The following SYK variants were observed in gnomAD, a reference collection of about 807,000 sequenced individuals.
SYK encodes spleen associated tyrosine kinase, also known as tyrosine-protein kinase SYK.
SYK carries 16 observed loss-of-function variants against 77.8 expected under a neutral mutation model. The observed-to-expected ratio is 0.21, with a 90% CI of 0.14 to 0.31. The LOEUF (loss-of-function observed/expected upper bound fraction) is 0.31, where lower values mean the gene tolerates loss of function less well. Ranked by LOEUF, SYK falls within the 10% of genes least tolerant of loss-of-function variation. SYK has a pLI of 1.00. For missense variants in SYK, 529 were observed against 814.4 expected (o/e 0.65, Z 4.26); for synonymous variants, 312 against 308.7 (o/e 1.01, Z -0.11).
chr9:90,816,329 G>A (rs369237874), intron 1 of SYK, among the ~76,000 whole-genome samples: 46 of 152,210 alleles, frequency 3.0e-4, no homozygotes, highest in East Asian at 1.7e-3. Flanking sequence ...TCTGATTTTC[G>A]ACAGAGACAT....
intron 9 of SYK, among the ~76,000 whole-genome samples, chr9:90,875,709 A>G (rs1195376795): frequency 1.3e-5 from 2 of 152,230 alleles, no homozygotes; most frequent in Admixed American, 1.3e-4. Flanking sequence ...ATAACAATAC[A>G]TATTATACAA....
At chr9:90,817,874 T>A (rs989174907) in intron 1 of SYK, among the ~76,000 whole-genome samples, 11 of 32,754 alleles carry the variant, frequency 3.4e-4, no homozygotes, top group Non-Finnish European at 6.9e-4. Flanking sequence ...TGTGTGTGTG[T>A]GTGTGTGTGA....
At chr9:90,866,174 C>T (rs1195572513) in intron 6 of SYK, among the ~76,000 whole-genome samples, 1 of 152,234 alleles carries the variant, frequency 6.6e-6, no homozygotes, top group Non-Finnish European at 1.5e-5. Context: ...GCTGGGATTA[C>T]AGGCGTGAGC....
intron 13 of SYK, among the ~76,000 whole-genome samples, chr9:90,891,257 T>C (rs967275997): frequency 4.7e-5 from 7 of 149,674 alleles, no homozygotes; most frequent in Non-Finnish European, 8.9e-5. Context: ...ACCATACTCC[T>C]GCCTCAGCCT....
intron 1 of SYK, among the ~76,000 whole-genome samples, chr9:90,839,668 A>T (rs1826220718): frequency 6.6e-6 from 1 of 152,180 alleles, no homozygotes; most frequent in African/African-American, 2.4e-5. Flanking sequence ...TTTATTTAAA[A>T]TTTTGTTCCT....
At chr9:90,884,750 T>C (rs1223271044) in intron 11 of SYK, among the ~76,000 whole-genome samples, 1 of 37,752 alleles carries the variant, frequency 2.6e-5, no homozygotes, top group Non-Finnish European at 4.1e-5. Flanking sequence ...TATACACATA[T>C]ACACATATGT....
At chr9:90,866,840 A>G (rs531993752) in intron 6 of SYK, among the ~76,000 whole-genome samples, 1 of 152,346 alleles carries the variant, frequency 6.6e-6, no homozygotes, top group South Asian at 2.1e-4. Flanking sequence ...TGAGCTTACA[A>G]CTTAATAATT....
chr9:90,855,700 G>A (rs1458976503), intron 3 of SYK, among the ~76,000 whole-genome samples: 1 of 148,152 alleles, frequency 6.7e-6, no homozygotes, highest in Admixed American at 6.7e-5. Flanking sequence ...GTGTGTGTGA[G>A]AGAGAGAGAG....
At chr9:90,863,718 T>G (rs1202389820) in intron 4 of SYK, among the ~76,000 whole-genome samples, 1 of 152,234 alleles carries the variant, frequency 6.6e-6, no homozygotes. Flanking sequence ...GTAGGGAATG[T>G]GGCCTTCTGG....
chr9:90,862,064 C>T, intron 3 of SYK, 142 bp from the exon 4 acceptor site: 2 of 1,125,652 alleles, frequency 1.8e-6, no homozygotes, highest in Non-Finnish European at 1.2e-6. Context: ...CCTGAGGCTC[C>T]AAACTCTGCC....
chr9:90,879,673 G>T (rs922076486), intron 11 of SYK, among the ~76,000 whole-genome samples: 7 of 152,224 alleles, frequency 4.6e-5, no homozygotes, highest in African/African-American at 7.2e-5. Context: ...AATAGATGCA[G>T]TGCTGGAAAG....
At chr9:90,812,762 TGTGTGTGTGTGTGTGTGA>T (rs1825133131) in intron 1 of SYK, among the ~76,000 whole-genome samples, 1 of 89,048 alleles carries the variant, frequency 1.1e-5, no homozygotes, top group South Asian at 4.7e-4. Context: ...TGTGTGTGTG[TGTGTGTGTGTGTGTGTGA>T]GAGAGAGAGA....
At chr9:90,879,449 A>G (rs1360732994) in intron 11 of SYK, among the ~76,000 whole-genome samples, 2 of 152,216 alleles carry the variant, frequency 1.3e-5, no homozygotes, top group Non-Finnish European at 2.9e-5. Context: ...GCATGGAGCT[A>G]TTGGAGCTTG....
At chr9:90,807,748 C>G (rs1824895242) in intron 1 of SYK, among the ~76,000 whole-genome samples, 1 of 152,206 alleles carries the variant, frequency 6.6e-6, no homozygotes, top group African/African-American at 2.4e-5. Context: ...TACACGAGTA[C>G]ATATCCTTTA....
intron 1 of SYK, among the ~76,000 whole-genome samples, chr9:90,816,930 C>T (rs1216786773): frequency 1.3e-5 from 2 of 152,184 alleles, no homozygotes; most frequent in African/African-American, 2.4e-5. Flanking sequence ...TTTCCTTAGC[C>T]GTTTATTCCT....
At chr9:90,822,377 A>G (rs1348436498) in intron 1 of SYK, among the ~76,000 whole-genome samples, 4 of 152,242 alleles carry the variant, frequency 2.6e-5, no homozygotes, top group African/African-American at 9.6e-5. Flanking sequence ...AAAGTCCAGA[A>G]GTAGACAGAT....
intron 1 of SYK, among the ~76,000 whole-genome samples, chr9:90,826,512 G>T (rs1825672163): frequency 6.6e-6 from 1 of 152,214 alleles, no homozygotes; most frequent in Admixed American, 6.5e-5. Context: ...ACAAGTTTGG[G>T]GTGCAGGTGC....
At chr9:90,889,380 G>T (rs985476281) in intron 13 of SYK, among the ~76,000 whole-genome samples, 1 of 152,234 alleles carries the variant, frequency 6.6e-6, no homozygotes, top group Non-Finnish European at 1.5e-5. Context: ...GCTGAGAATC[G>T]ATGTGGTTTG....
At chr9:90,865,468 C>T (rs1255469393) in intron 6 of SYK, among the ~76,000 whole-genome samples, 5 of 151,920 alleles carry the variant, frequency 3.3e-5, no homozygotes, top group South Asian at 2.1e-4. Context: ...CCATCACACC[C>T]GGCTAATTTT....
Sources: allele counts gnomAD v4.1 joint callset (sites outside exome capture counted in the v4.1 genomes callset), GRCh38; gene constraint gnomAD v4.1.1; transcripts MANE v1.5; gene names NCBI Gene and HGNC (gene_info 2026-07-23, HGNC 2026-07-21).